SPPL2B: variants seen among roughly 807,000 people sequenced by gnomAD.
SPPL2B encodes the protein signal peptide peptidase-like 2B.
In SPPL2B, 39 loss-of-function variants were observed where a neutral mutation model predicts 59.7. That is an observed-to-expected ratio of 0.65 (90% CI 0.51 to 0.85). The LOEUF (loss-of-function observed/expected upper bound fraction) is 0.85. Among genes scored for constraint, SPPL2B ranks in the 40% least tolerant of loss-of-function variants. SPPL2B has a pLI of 0.00. For synonymous variants in SPPL2B, 419 were observed against 370.8 expected, an observed-to-expected ratio of 1.13 and a Z score of -1.49; for missense variants, 865 against 849.0, an observed-to-expected ratio of 1.02 and a Z score of -0.23.
rs542488267 is a variant in SPPL2B at position 2,353,936 on chromosome 19, C to A, written c.*727C>A. Reference sequence around the variant, plus strand: ...ATAAATGGTCGCAACTTCTAGAAGTCCTGCTGGTGCCACCTGGTGGGGTGG... The same window carrying A: ...ATAAATGGTCGCAACTTCTAGAAGTACTGCTGGTGCCACCTGGTGGGGTGG... On this transcript the variant is annotated 3_prime_UTR_variant, in exon 15 of 15. Coordinates refer to ENST00000613503, the MANE Select transcript of SPPL2B (RefSeq NM_152988.3). 6.6e-6 allele frequency: 1 copy of A among 152,362 alleles called. No individual in the cohort carries two copies. The highest frequency in any genetic ancestry group is 2.4e-5 in the African/African-American group (1 of 41,466). 9.4% of individuals were successfully genotyped at this position (152,362 alleles called of 1,614,324 possible).
chr19:2,340,385 C>T (rs757945950), intron 7 of SPPL2B: 18 of 609,318 alleles, frequency 3.0e-5, no homozygotes, highest in South Asian at 9.2e-5. Flanking sequence ...CCAGGGGTGG[C>T]GGGGGGAGGG....
chr19:2,348,154 C>T (rs1309352350), intron 13 of SPPL2B, among the ~76,000 whole-genome samples: 1 of 33,618 alleles, frequency 3.0e-5, no homozygotes, highest in East Asian at 9.0e-4. Flanking sequence ...CGCTTGATTC[C>T]GTTCTCTCTC....
chr19:2,338,715 C>A, intron 3 of SPPL2B, 37 bp from the exon 4 acceptor site: 1 of 1,440,254 alleles, frequency 6.9e-7, no homozygotes, highest in Non-Finnish European at 9.8e-7. Context: ...CCCACTGCTG[C>A]GGGTGATGCC....
rs898288208 is a variant in SPPL2B at position 2,339,820 on chromosome 19, C to T, written c.600-4C>T. On this transcript the variant is annotated splice_region_variant and splice_polypyrimidine_tract_variant and intron_variant, in intron 5 of 14. Coordinates refer to ENST00000613503, the MANE Select transcript of SPPL2B (RefSeq NM_152988.3). ...GGCCCCACGACCCCATGGTGTCTCC[C>T]AAGAAGGTACATGAAGCACAAGCGC... 6.2e-6 allele frequency: 10 copies of T among 1,605,530 alleles called. No individual in the cohort carries two copies. The Middle Eastern group carries it at 5.0e-4, about 80-fold the overall frequency.
chr19:2,333,972 G>A (rs1027258320), intron 1 of SPPL2B, among the ~76,000 whole-genome samples: 5 of 152,214 alleles, frequency 3.3e-5, no homozygotes, highest in East Asian at 1.9e-4. Context: ...CCCGGTGCCC[G>A]TAGGCCCCTT....
chr19:2,339,512 C>A (rs1341750682), intron 5 of SPPL2B, among the ~76,000 whole-genome samples: 1 of 152,176 alleles, frequency 6.6e-6, no homozygotes, highest in African/African-American at 2.4e-5. Flanking sequence ...TGCTGAGCCG[C>A]CTGGGTCTGG....
intron 13 of SPPL2B, among the ~76,000 whole-genome samples, chr19:2,351,098 C>T (rs142122673): frequency 2.2e-4 from 33 of 152,328 alleles, no homozygotes; most frequent in South Asian, 2.1e-3. Context: ...ATCCCAGACA[C>T]GTCTCGCAGC....
intron 2 of SPPL2B, among the ~76,000 whole-genome samples, chr19:2,335,655 C>G (rs56393918): frequency 0.16 from 22,227 of 138,506 alleles, 2,208 homozygotes; most frequent in African/African-American, 0.29. Flanking sequence ...CTTTCCCACC[C>G]CATCCCTCAG....
At chr19:2,328,803 C>G in intron 1 of SPPL2B, 28 bp downstream of exon 1, 6 of 1,356,940 alleles carry the variant, frequency 4.4e-6, no homozygotes, top group Non-Finnish European at 5.7e-6. Flanking sequence ...CCCGACGGCA[C>G]CGCGGGCTGC....
chr19:2,338,312 CT>C (rs1968776765), intron 3 of SPPL2B: 1 of 158,796 alleles, frequency 6.3e-6, no homozygotes, highest in Non-Finnish European at 1.4e-5. Flanking sequence ...GGTGCAGGGG[CT>C]CAGGGCCGAG....
chr19:2,346,418 C>T (rs927409207), intron 13 of SPPL2B, among the ~76,000 whole-genome samples: 7 of 152,264 alleles, frequency 4.6e-5, no homozygotes, highest in African/African-American at 1.7e-4. Context: ...GTGATCCCAG[C>T]TTTCTGGGAG....
At position 2,332,830 on chromosome 19, in the gene SPPL2B, G is replaced by C. The variant is rs1345332222; in HGVS notation, c.67-1772G>C. Among the ~76,000 whole-genome samples, 1 of 152,178 alleles carries C rather than the reference G, an allele frequency of 6.6e-6. No homozygotes were observed. The highest frequency in any genetic ancestry group is 1.5e-5 in the Non-Finnish European group (1 of 68,040). ...CAGCTGGGACCTGGGCCCCATCGCT[G>C]TGAGACCCTCTGGTGACTGGCATCC... On this transcript the variant is annotated intron_variant, in intron 1 of 14. Coordinates refer to ENST00000613503, the MANE Select transcript of SPPL2B (RefSeq NM_152988.3). The surrounding 1 kb of genome is among the most constrained non-coding windows in gnomAD (Gnocchi z 4.6).
chr19:2,346,939 T>C (rs1236661621), intron 13 of SPPL2B, among the ~76,000 whole-genome samples: 1 of 152,178 alleles, frequency 6.6e-6, no homozygotes, highest in Non-Finnish European at 1.5e-5. Context: ...CCGGGAGCAG[T>C]GTGCTTGCTG....
Position 2,336,078 on chromosome 19 carries a change from T to A in SPPL2B, c.186+1357T>A, listed in dbSNP as rs190293138. ...GTGCATATTTCTGAGTTTGTGTGTG[T>A]GAGCACATGTGTACTAGATATGTGC... is the stretch of plus-strand genomic sequence containing the variant. On this transcript the variant is annotated intron_variant, in intron 2 of 14. Transcript: ENST00000613503. Among the ~76,000 whole-genome samples, 6 of 152,384 alleles carry A rather than the reference T, an allele frequency of 3.9e-5. No individual in the cohort carries two copies. The East Asian group carries it at 9.6e-4, about 24-fold the overall frequency.
intron 13 of SPPL2B, among the ~76,000 whole-genome samples, chr19:2,350,068 ACGCGCT>A (rs1969815927): frequency 9.0e-6 from 1 of 110,596 alleles, no homozygotes; most frequent in Non-Finnish European, 1.8e-5. Flanking sequence ...CCACACACTC[ACGCGCT>A]CTCATTCGCT....
At chr19:2,330,262 C>A (rs1399815690) in intron 1 of SPPL2B, 1 of 149,104 alleles carries the variant, frequency 6.7e-6, no homozygotes, top group East Asian at 1.9e-4. Context: ...TGCATGCCAC[C>A]ACTCCTGGCT....
chr19:2,328,944 T>G (rs1968137188), intron 1 of SPPL2B, among the ~76,000 whole-genome samples, 169 bp downstream of exon 1: 1 of 152,036 alleles, frequency 6.6e-6, no homozygotes, highest in Non-Finnish European at 1.5e-5. Context: ...GCCGTGACCT[T>G]GCGGGTCTGT....
At chr19:2,351,347 A>G (rs1440475769) in intron 13 of SPPL2B, 87 bp from the exon 14 acceptor site, 2 of 1,166,760 alleles carry the variant, frequency 1.7e-6, no homozygotes, top group East Asian at 4.7e-5. Flanking sequence ...GCCCTCCACC[A>G]ACCCCAGCCC....
intron 5 of SPPL2B, 151 bp from the exon 6 acceptor site, chr19:2,339,673 A>G: frequency 3.6e-6 from 3 of 825,352 alleles, no homozygotes; most frequent in Non-Finnish European, 3.8e-6. Context: ...TGCCCTGGGG[A>G]CGTTCGGGGC....
Sources: gnomAD v4.1 joint callset for allele counts (sites outside exome capture counted in the v4.1 genomes callset) on GRCh38, gnomAD v4.1.1 for gene constraint, Gnocchi (gnomAD v3.1) non-coding constraint, MANE v1.5 for transcripts, NCBI Gene and HGNC (gene_info 2026-07-23, HGNC 2026-07-21) for gene names.